Variants in ZC3H14 observed in about 807,000 individuals in gnomAD.
ZC3H14 encodes the protein zinc finger CCCH domain-containing protein 14.
In ZC3H14, 31 loss-of-function variants were observed where a neutral mutation model predicts 92.4. The ratio of observed to expected loss-of-function variants is 0.34; its 90% CI spans 0.25 to 0.45. The LOEUF is 0.45. Ranked by LOEUF, ZC3H14 falls within the 20% of genes least tolerant of loss-of-function variation. The pLI is 1.00. For synonymous variants in ZC3H14, 321 were observed against 300.9 expected (o/e 1.07, Z -0.69); for missense variants, 781 against 897.3 (o/e 0.87, Z 1.66).
intron 9 of ZC3H14, among the ~76,000 whole-genome samples, chr14:88,587,087 T>G (rs2082552778): frequency 6.6e-6 from 1 of 152,210 alleles, no homozygotes; most frequent in Non-Finnish European, 1.5e-5. Flanking sequence ...TTTAGTAATT[T>G]TAAGTAGTAA....
chr14:88,609,800 A>G lies in ZC3H14; in HGVS notation c.2094A>G (p.Pro698=). The change falls in exon 15 of 17, where the codon CCA becomes CCG. Residue 698 remains proline, a synonymous_variant. Coordinates refer to ENST00000251038, the MANE Select transcript of ZC3H14 (RefSeq NM_024824.5). ...CKKMECPFYH[P]KHCRFNTQCT... ...AGATGGAATGTCCCTTCTATCATCC[A>G]AAAGTAAGAACTTCTATTTTCTCAA... 1 of 1,613,880 alleles carries G rather than the reference A, an allele frequency of 6.2e-7. No homozygotes were observed. Among genetic ancestry groups the G allele is most frequent in the South Asian group, 1.1e-5 (1 of 91,080 alleles).
At chr14:88,572,487 TCA>T in intron 5 of ZC3H14, 89 bp from the exon 6 acceptor site, 2 of 1,514,436 alleles carry the variant, frequency 1.3e-6, no homozygotes, top group South Asian at 1.2e-5. Flanking sequence ...CTCAGTTTTT[TCA>T]TTGAAATTTT....
intron 10 of ZC3H14, among the ~76,000 whole-genome samples, chr14:88,597,384 T>C (rs2083981757): frequency 6.6e-6 from 1 of 152,178 alleles, no homozygotes; most frequent in African/African-American, 2.4e-5. Context: ...GCATGTTCAA[T>C]GTCTTAAAAA....
intron 7 of ZC3H14, among the ~76,000 whole-genome samples, chr14:88,575,548 T>G (rs1295854880): frequency 4.6e-5 from 7 of 151,744 alleles, no homozygotes; most frequent in African/African-American, 1.7e-4. Context: ...TAAAATAAAT[T>G]AGTTGGTCAT....
At chr14:88,592,756 C>T (rs1362745995) in intron 9 of ZC3H14, among the ~76,000 whole-genome samples, 1 of 152,052 alleles carries the variant, frequency 6.6e-6, no homozygotes, top group Non-Finnish European at 1.5e-5. Context: ...CTGCCTTGGC[C>T]TCCCAAAGTG....
rs1458929467 is a variant in ZC3H14, at chr14:88,588,387, G to A, written c.1280-8347G>A. 2.0e-5 allele frequency among the ~76,000 whole-genome samples: 3 copies of A among 152,190 alleles called. 1 individual carries two copies. The highest frequency in any genetic ancestry group is 4.4e-5 in the Non-Finnish European group (3 of 68,028). On this transcript the variant is annotated intron_variant, in intron 9 of 16. Coordinates refer to ENST00000251038, the MANE Select transcript of ZC3H14 (RefSeq NM_024824.5). ...TTTTCTGAGTTCTTGGAAATCTGAA[G>A]CTATCCTTGTACTTGTTTGATACTT...
chr14:88,578,183 C>T (rs2081409638), intron 9 of ZC3H14, 43 bp downstream of exon 9: 1 of 1,604,272 alleles, frequency 6.2e-7, no homozygotes. Flanking sequence ...ACAGTTTTTT[C>T]ATGAGGCATT....
intron 13 of ZC3H14, among the ~76,000 whole-genome samples, chr14:88,607,956 GAGTACCATCCCCCATCTCACCCTGCA>G (rs1401733586): frequency 1.5e-3 from 46 of 30,498 alleles, no homozygotes; most frequent in Non-Finnish European, 2.0e-3. Context: ...CCCTGCAATT[GAGTACCATCCCCCATCTCACCCTGCA>G]AGTACCATCC....
chr14:88,610,318 TAAGGGATA>T (rs1477705913), intron 15 of ZC3H14, among the ~76,000 whole-genome samples: 27 of 152,272 alleles, frequency 1.8e-4, no homozygotes, highest in African/African-American at 6.5e-4. Flanking sequence ...GTGAAGAGTG[TAAGGGATA>T]ATTAGAAGTT....
chr14:88,564,789 T>C (rs116692009), intron 2 of ZC3H14, among the ~76,000 whole-genome samples: 11 of 152,346 alleles, frequency 7.2e-5, no homozygotes, highest in African/African-American at 2.6e-4. Context: ...ATCTTCTTAG[T>C]ATTCAGTGCG....
chr14:88,563,544 G>C (rs777453495), intron 1 of ZC3H14, 107 bp from the exon 2 acceptor site: 6 of 1,583,044 alleles, frequency 3.8e-6, no homozygotes, highest in Non-Finnish European at 5.2e-6. Context: ...CCCGCCCGGG[G>C]GATCCGAGGT....
chr14:88,616,595 A>G lies in ZC3H14; in HGVS notation c.*4844A>G, dbSNP rs2087656718. 3.3e-6 allele frequency: 3 copies of G among 909,592 alleles called. No individual in the cohort carries two copies. The highest frequency in any genetic ancestry group is 1.7e-5 in the African/African-American group (1 of 59,554). 56.3% of individuals were successfully genotyped at this position (909,592 alleles called of 1,614,324 possible). A position where few individuals can be genotyped will look rare whatever the true frequency, so the allele number is the denominator to read the frequency against. ...TCTAATAGCTTTTATTTCAAAGTAA[A>G]TAGATTTAGAAAGTTTGGGGAAAAA... On this transcript the variant is annotated 3_prime_UTR_variant, in exon 17 of 17. Transcript: ENST00000251038.
chr14:88,563,762 C>A, intron 2 of ZC3H14, 69 bp downstream of exon 2: 1 of 1,428,270 alleles, frequency 7.0e-7, no homozygotes, highest in Non-Finnish European at 9.9e-7. Context: ...TTAGTGAATG[C>A]GTATTTCTCA....
chr14:88,581,445 T>G (rs1016191632), intron 9 of ZC3H14, among the ~76,000 whole-genome samples: 3 of 152,020 alleles, frequency 2.0e-5, no homozygotes, highest in Admixed American at 6.5e-5. Context: ...CCTGTAGTCC[T>G]AGCTACTCGG....
chr14:88,572,971 G>T lies in ZC3H14; in HGVS notation c.825G>T (p.Pro275=). The T allele has an allele frequency of 6.2e-7, 1 of 1,614,084 alleles. No homozygotes were observed. The highest frequency in any genetic ancestry group is 2.2e-5 in the East Asian group (1 of 44,882). ...VLNSLEETYS[P]FFRNNSEKMS... ...ACAGCTTAGAAGAAACGTATAGTCC[G>T]TTCTTTAGAAACAACTCGGAGAAAA... The change falls in exon 6 of 17, where the codon CCG becomes CCT. Residue 275 remains proline (P), a synonymous_variant. Transcript: ENST00000251038.
chr14:88,576,533 G>A (rs907657972), intron 8 of ZC3H14, among the ~76,000 whole-genome samples: 2 of 152,198 alleles, frequency 1.3e-5, no homozygotes, highest in East Asian at 3.9e-4. Context: ...CTGGTCTTAC[G>A]GAAAGCTGAT....
In ZC3H14 at chr14:88,563,060, G is replaced by T. The variant is rs896817467; in HGVS notation, c.-74G>T. 2.5e-5 allele frequency: 39 copies of T among 1,532,168 alleles called. No homozygotes were observed. The highest frequency in any genetic ancestry group is 2.5e-4 in the African/African-American group (18 of 72,222). The allele number at this position is 1,532,168 out of a possible 1,614,324, so 94.9% of individuals were successfully genotyped here. A position where few individuals can be genotyped will look rare whatever the true frequency, so the allele number is the denominator to read the frequency against. On this transcript the variant is annotated 5_prime_UTR_variant, in exon 1 of 17. Transcript: ENST00000251038. ...GAGGAGGCGGTGGTGTCCCGGCTGCGGGGTAGGAGTCCGCGGCAGCCTCCG... is the reference window on the plus strand; with the variant it reads ...GAGGAGGCGGTGGTGTCCCGGCTGCTGGGTAGGAGTCCGCGGCAGCCTCCG...
At chr14:88,594,942 T>TAA (rs2083606125) in intron 9 of ZC3H14, 1 of 1,613,818 alleles carries the variant, frequency 6.2e-7, no homozygotes, top group African/African-American at 1.3e-5. Flanking sequence ...ATCTAAATGT[T>TAA]AGAGTGTCCA....
intron 9 of ZC3H14, among the ~76,000 whole-genome samples, chr14:88,578,689 G>A (rs1006543863): frequency 6.7e-6 from 1 of 148,254 alleles, no homozygotes; most frequent in Non-Finnish European, 1.5e-5. Context: ...TAAATCTCCC[G>A]TCTCTTAAGC....
Sources: allele counts gnomAD v4.1 joint callset (sites outside exome capture counted in the v4.1 genomes callset), GRCh38; gene constraint gnomAD v4.1.1; transcripts MANE v1.5; gene names NCBI Gene and HGNC (gene_info 2026-07-23, HGNC 2026-07-21).